Variants in GTF2F2 observed in about 807,000 individuals in gnomAD.
GTF2F2 encodes the protein ATP-dependent helicase GTF2F2.
In GTF2F2, 23 loss-of-function variants were observed where a neutral mutation model predicts 42.2. The ratio of observed to expected loss-of-function variants is 0.55; its 90% confidence interval spans 0.39 to 0.77. GTF2F2 has a LOEUF of 0.77. GTF2F2 is among the 30% of genes least tolerant of loss of function. The pLI is 0.00. For synonymous variants in GTF2F2, 105 were observed against 100.8 expected (o/e 1.04, Z -0.25); for missense variants, 261 against 287.2 (o/e 0.91, Z 0.66).
chr13:45,142,360 G>A (rs1869968551), intron 2 of GTF2F2, among the ~76,000 whole-genome samples: 2 of 152,112 alleles, frequency 1.3e-5, no homozygotes, highest in South Asian at 2.1e-4. Flanking sequence ...TAGAGACAGG[G>A]TTTCACCATG....
intron 4 of GTF2F2, among the ~76,000 whole-genome samples, chr13:45,180,387 G>A (rs899046846): frequency 1.1e-4 from 16 of 151,988 alleles, no homozygotes; most frequent in African/African-American, 3.6e-4. Context: ...AGACTCATGC[G>A]TATTTTGTGT....
intron 4 of GTF2F2, 80 bp downstream of exon 4, chr13:45,151,911 C>CTTTTTTTTTTT (rs773005628): frequency 1.5e-5 from 2 of 136,222 alleles, no homozygotes; most frequent in South Asian, 1.2e-4. Context: ...CTCCTATTTG[C>CTTTTTTTTTTT]TTTTTTTTTT....
rs181838920 is a variant in GTF2F2 at position 45,174,976 on chromosome 13, G to A, written c.304+23145G>A. On this transcript the variant is annotated intron_variant, in intron 4 of 7. Coordinates refer to ENST00000340473, the MANE Select transcript of GTF2F2 (RefSeq NM_004128.3). ...TGTTGGGAATATTAAAAATCTTACA[G>A]CTCTTTGAAAATATGCACTAAATTA... Among the ~76,000 whole-genome samples, 146 of 152,214 alleles carry A rather than the reference G, an allele frequency of 9.6e-4. 2 individuals carry two copies. The Middle Eastern group carries it at 0.024, about 25-fold the overall frequency.
intron 5 of GTF2F2, among the ~76,000 whole-genome samples, chr13:45,240,742 C>T (rs569398481): frequency 2.6e-5 from 4 of 152,130 alleles, no homozygotes; most frequent in South Asian, 2.1e-4. Flanking sequence ...GCAGGAGAAT[C>T]GCTTGAACCT....
intron 1 of GTF2F2, among the ~76,000 whole-genome samples, chr13:45,122,825 C>G (rs1868727577): frequency 6.6e-6 from 1 of 152,038 alleles, no homozygotes; most frequent in Non-Finnish European, 1.5e-5. Flanking sequence ...CCTAGGATAT[C>G]TCACGGTTTA....
intron 7 of GTF2F2, among the ~76,000 whole-genome samples, chr13:45,268,500 A>G (rs1244872585): frequency 6.6e-6 from 1 of 152,128 alleles, no homozygotes; most frequent in African/African-American, 2.4e-5. Context: ...ACTTTTTAAT[A>G]AGAAGAAAGT....
At chr13:45,255,638 A>T (rs1455907020) in intron 6 of GTF2F2, among the ~76,000 whole-genome samples, 1 of 152,214 alleles carries the variant, frequency 6.6e-6, no homozygotes, top group African/African-American at 2.4e-5. Context: ...CTACTGTTGG[A>T]TGGGAATACA....
chr13:45,250,715 A>G (rs1395936790), intron 5 of GTF2F2, among the ~76,000 whole-genome samples: 3 of 152,134 alleles, frequency 2.0e-5, no homozygotes, highest in Admixed American at 1.3e-4. Flanking sequence ...CTAGATCCCA[A>G]AGAGTCTTAA....
chr13:45,136,926 A>G (rs1309016055), intron 2 of GTF2F2, 120 bp downstream of exon 2: 14 of 650,600 alleles, frequency 2.2e-5, no homozygotes, highest in African/African-American at 1.1e-4. Context: ...AGTAATGAGC[A>G]TGTCAAGGCT....
intron 5 of GTF2F2, among the ~76,000 whole-genome samples, chr13:45,246,121 G>A (rs1321502440): frequency 6.6e-6 from 1 of 150,676 alleles, no homozygotes; most frequent in Admixed American, 6.6e-5. Context: ...CCATTCTCCT[G>A]CCTCAGCCTC....
chr13:45,274,323 CTTTTTTTTTTTT>C (rs367793010), intron 7 of GTF2F2, among the ~76,000 whole-genome samples: 1 of 102,430 alleles, frequency 9.8e-6, no homozygotes, highest in African/African-American at 4.3e-5. Context: ...ACAAATTATA[CTTTTTTTTTTTT>C]TTTTTTTTTG....
At chr13:45,170,890 G>A (rs919460980) in intron 4 of GTF2F2, among the ~76,000 whole-genome samples, 5 of 152,068 alleles carry the variant, frequency 3.3e-5, no homozygotes, top group Non-Finnish European at 7.4e-5. Context: ...AGTGTGATCT[G>A]TCATACTGGG....
Position 45,257,468 on chromosome 13 carries a change from A to G in GTF2F2, c.486+4498A>G, listed in dbSNP as rs909429641. ...AGGATTCTGTGTTTAAAAAACTTGT[A>G]GTTTCTGATTATATCCTCCTCTTAA... On this transcript the variant is annotated intron_variant, in intron 6 of 7. Transcript: ENST00000340473. Among the ~76,000 whole-genome samples the G allele has an allele frequency of 2.0e-5, 3 of 152,306 alleles. No individual in the cohort carries two copies. In the East Asian group the frequency reaches 5.8e-4, roughly 29 times the overall value.
chr13:45,217,369 G>A (rs1445948262), intron 5 of GTF2F2, among the ~76,000 whole-genome samples: 6 of 149,752 alleles, frequency 4.0e-5, no homozygotes, highest in Non-Finnish European at 8.9e-5. Flanking sequence ...CACAGAATAA[G>A]TACCATGTCC....
rs554124432 is a variant in GTF2F2 at position 45,128,889 on chromosome 13, G to A, written c.67-7844G>A. Among the ~76,000 whole-genome samples the A allele has an allele frequency of 8.6e-5, 13 of 151,998 alleles. No homozygotes were observed. In the East Asian group the frequency reaches 1.2e-3, roughly 14 times the overall value. On this transcript the variant is annotated intron_variant, in intron 1 of 7. Coordinates refer to ENST00000340473, the MANE Select transcript of GTF2F2 (RefSeq NM_004128.3). ...ATTATAGGTGTGAGCCACCATGCCC[G>A]ACACAATGTTTTTAAGTTGGCAGTT...
chr13:45,246,019 A>ATTTAT (rs1566149636), intron 5 of GTF2F2, among the ~76,000 whole-genome samples: 1 of 10,640 alleles, frequency 9.4e-5, no homozygotes, highest in African/African-American at 4.0e-4. Context: ...TATTTATTTT[A>ATTTAT]TTTATTTTGA....
intron 7 of GTF2F2, among the ~76,000 whole-genome samples, chr13:45,276,790 A>G (rs776784664): frequency 2.0e-5 from 3 of 152,242 alleles, no homozygotes; most frequent in Non-Finnish European, 2.9e-5. Context: ...GGTTTAGCCT[A>G]AAGAAAGTAA....
At chr13:45,125,026 C>G (rs940817994) in intron 1 of GTF2F2, among the ~76,000 whole-genome samples, 4 of 152,088 alleles carry the variant, frequency 2.6e-5, no homozygotes, top group Admixed American at 1.3e-4. Context: ...CATTGGTGGC[C>G]AAAGAGAAAG....
At chr13:45,121,400 T>G (rs1868625674) in intron 1 of GTF2F2, among the ~76,000 whole-genome samples, 1 of 152,260 alleles carries the variant, frequency 6.6e-6, no homozygotes, top group Non-Finnish European at 1.5e-5. Flanking sequence ...TTCATAATAC[T>G]TAAGCATATT....
Sources: gnomAD v4.1 joint callset for allele counts (sites outside exome capture counted in the v4.1 genomes callset) on GRCh38, gnomAD v4.1.1 for gene constraint, MANE v1.5 for transcripts, NCBI Gene and HGNC (gene_info 2026-07-23, HGNC 2026-07-21) for gene names.